The following SLC25A21 variants were observed in gnomAD, a reference collection of about 807,000 sequenced individuals.
SLC25A21 encodes the protein mitochondrial 2-oxodicarboxylate carrier.
SLC25A21 carries 47 observed loss-of-function variants against 43.8 expected under a neutral mutation model. The ratio of observed to expected loss-of-function variants is 1.07; its 90% CI spans 0.85 to 1.37. SLC25A21 has a LOEUF of 1.37. SLC25A21 is among the 40% of genes most tolerant of loss of function. The pLI is 0.00. For missense variants in SLC25A21, 352 were observed against 350.2 expected, an observed-to-expected ratio of 1.00 and a Z score of -0.04; for synonymous variants, 131 against 121.3, an observed-to-expected ratio of 1.08 and a Z score of -0.52.
At chr14:37,159,760 AG>A (rs1417699706) in intron 1 of SLC25A21, among the ~76,000 whole-genome samples, 4 of 152,216 alleles carry the variant, frequency 2.6e-5, no homozygotes, top group Non-Finnish European at 5.9e-5. Context: ...GCATAGCAAA[AG>A]AAATAATCAA....
intron 1 of SLC25A21, among the ~76,000 whole-genome samples, chr14:37,167,883 TCTAG>T (rs1464548759): frequency 6.6e-6 from 1 of 151,614 alleles, no homozygotes; most frequent in Admixed American, 6.6e-5. Context: ...CTCCTGACTC[TCTAG>T]CTGCACCGCT....
intron 1 of SLC25A21, among the ~76,000 whole-genome samples, chr14:37,094,962 T>A (rs1422057242): frequency 6.6e-6 from 1 of 152,154 alleles, no homozygotes; most frequent in Non-Finnish European, 1.5e-5. Context: ...ATTTTGGGTA[T>A]TCTCACCACA....
At chr14:36,961,426 T>TA (rs1303749066) in intron 1 of SLC25A21, among the ~76,000 whole-genome samples, 2 of 152,152 alleles carry the variant, frequency 1.3e-5, no homozygotes, top group African/African-American at 4.8e-5. Flanking sequence ...GTACGTGTTT[T>TA]TAATGAAGGA....
At chr14:36,894,291 C>G (rs1043437104) in intron 1 of SLC25A21, among the ~76,000 whole-genome samples, 5 of 152,106 alleles carry the variant, frequency 3.3e-5, no homozygotes, top group African/African-American at 1.2e-4. Context: ...ATTTTATTCT[C>G]TTTGAAGCAA....
chr14:36,734,545 G>A lies in SLC25A21; in HGVS notation c.232C>T (p.Pro78Ser). Residue 78 changes from proline to serine, a missense_variant, in exon 4 of 10, where the codon CCA becomes TCA. Coordinates refer to ENST00000331299, the MANE Select transcript of SLC25A21 (RefSeq NM_030631.4). ...GLFGFYKGILPPILAETPKRA... is the reference protein window; with the variant it reads ...GLFGFYKGILSPILAETPKRA... ...TTTGGGGTTTCAGCCAAGATAGGTG[G>A]CAGAATTCCCTTGTAAAAACCAAAT... The A allele has an allele frequency of 1.2e-6, 2 of 1,607,748 alleles. No homozygotes were observed. Among genetic ancestry groups the A allele is most frequent in the East Asian group, 2.2e-5 (1 of 44,764 alleles).
chr14:36,758,798 T>C (rs1451062367), intron 3 of SLC25A21, among the ~76,000 whole-genome samples: 1 of 152,146 alleles, frequency 6.6e-6, no homozygotes, highest in African/African-American at 2.4e-5. Flanking sequence ...CCGAATTCTT[T>C]GGTTCTGATA....
intron 3 of SLC25A21, among the ~76,000 whole-genome samples, chr14:36,763,432 G>C (rs1045698950): frequency 6.6e-6 from 1 of 152,176 alleles, no homozygotes; most frequent in South Asian, 2.1e-4. Flanking sequence ...CCACTGGGAG[G>C]GAGAGGATAT....
At chr14:36,979,331 G>T (rs58424963) in intron 1 of SLC25A21, among the ~76,000 whole-genome samples, 29,640 of 122,652 alleles carry the variant, frequency 0.24, 3,189 homozygotes, top group African/African-American at 0.38. Context: ...GTGTTTTTTT[G>T]GTTTTTTTTT....
At chr14:36,895,823 G>C (rs1482640816) in intron 1 of SLC25A21, among the ~76,000 whole-genome samples, 9 of 152,210 alleles carry the variant, frequency 5.9e-5, no homozygotes, top group Non-Finnish European at 1.3e-4. Flanking sequence ...GGAGCAAGTT[G>C]TTCAGTTTCC....
At chr14:36,991,662 T>C (rs931604641) in intron 1 of SLC25A21, among the ~76,000 whole-genome samples, 4 of 152,308 alleles carry the variant, frequency 2.6e-5, no homozygotes, top group South Asian at 4.2e-4. Flanking sequence ...CAAGACCACA[T>C]AGCAAGTAGC....
chr14:36,827,973 A>G (rs1170900145), intron 2 of SLC25A21, among the ~76,000 whole-genome samples: 2 of 152,226 alleles, frequency 1.3e-5, no homozygotes, highest in Non-Finnish European at 2.9e-5. Flanking sequence ...TTTTTGTTAC[A>G]TTGCAACACC....
intron 2 of SLC25A21, among the ~76,000 whole-genome samples, chr14:36,867,013 GTTTCAA>G (rs1890232094): frequency 1.3e-5 from 2 of 152,090 alleles, no homozygotes; most frequent in Non-Finnish European, 2.9e-5. Context: ...GGTGCATTTT[GTTTCAA>G]TGAGCCAGCG....
intron 1 of SLC25A21, among the ~76,000 whole-genome samples, chr14:37,095,781 T>C (rs575355434): frequency 7.2e-6 from 1 of 138,788 alleles, no homozygotes; most frequent in Non-Finnish European, 1.5e-5. Flanking sequence ...AAAATGTATA[T>C]ATGTATATAT....
intron 3 of SLC25A21, chr14:36,759,660 C>G (rs1380287545): frequency 6.6e-6 from 1 of 152,206 alleles, no homozygotes; most frequent in Non-Finnish European, 1.5e-5. Flanking sequence ...CTGTTTCCTC[C>G]TCACACGGTA....
rs76102442 is a variant in SLC25A21, at chr14:36,999,984, C to A, written c.71-124980G>T. 2.0e-3 allele frequency among the ~76,000 whole-genome samples: 311 copies of A among 152,294 alleles called. 1 individual carries two copies. The highest frequency in any genetic ancestry group is 3.8e-3 in the Non-Finnish European group (259 of 68,028). Reference sequence around the variant, plus strand: ...CTAGAACAATGCCTGACACACATAGCAGATACACCAATAGTGAACGAATAA... The same window carrying A: ...CTAGAACAATGCCTGACACACATAGAAGATACACCAATAGTGAACGAATAA... On this transcript the variant is annotated intron_variant, in intron 1 of 9. Coordinates refer to ENST00000331299, the MANE Select transcript of SLC25A21 (RefSeq NM_030631.4).
chr14:36,916,184 C>T (rs1451897015), intron 1 of SLC25A21, among the ~76,000 whole-genome samples: 1 of 152,168 alleles, frequency 6.6e-6, no homozygotes, highest in African/African-American at 2.4e-5. Context: ...GAGAAAAGAA[C>T]AGAGATCTAA....
At chr14:36,771,245 G>C (rs538666497) in intron 3 of SLC25A21, among the ~76,000 whole-genome samples, 1 of 152,106 alleles carries the variant, frequency 6.6e-6, no homozygotes, top group South Asian at 2.1e-4. Flanking sequence ...CATTCTTCAA[G>C]TACTGTATGA....
At chr14:37,002,584 TG>T (rs1398421406) in intron 1 of SLC25A21, among the ~76,000 whole-genome samples, 6 of 152,142 alleles carry the variant, frequency 3.9e-5, no homozygotes, top group Non-Finnish European at 8.8e-5. Context: ...GTCTGTAAAC[TG>T]GGGTTAATAG....
intron 3 of SLC25A21, among the ~76,000 whole-genome samples, chr14:36,795,065 A>G (rs1887628580): frequency 6.6e-6 from 1 of 152,186 alleles, no homozygotes; most frequent in Non-Finnish European, 1.5e-5. Flanking sequence ...GAATTCCCAG[A>G]CCACCCTAAT....
Sources: allele counts gnomAD v4.1 joint callset (sites outside exome capture counted in the v4.1 genomes callset), GRCh38; gene constraint gnomAD v4.1.1; transcripts MANE v1.5; gene names NCBI Gene and HGNC (gene_info 2026-07-23, HGNC 2026-07-21).